Variants in ATM observed in about 807,000 individuals in gnomAD.
ATM encodes the protein ATM serine/threonine kinase.
In ATM, 308 loss-of-function variants were observed where a neutral mutation model predicts 387.0. The ratio of observed to expected loss-of-function variants is 0.80; its 90% CI spans 0.73 to 0.87. The LOEUF is 0.87. ATM is among the 40% of genes least tolerant of loss of function. The pLI is 0.00. For missense variants in ATM, 3,312 were observed against 3,560.9 expected (o/e 0.93, Z 1.78); for synonymous variants, 1,156 against 1,187.3 (o/e 0.97, Z 0.54).
In ATM at chr11:108,227,707, A is replaced by G; in HGVS notation, c.72+11A>G. 2 of 1,609,788 alleles carry G rather than the reference A, an allele frequency of 1.2e-6. No homozygotes were observed. The highest frequency in any genetic ancestry group is 1.1e-5 in the South Asian group (1 of 90,698). On this transcript the variant is annotated intron_variant, in intron 2 of 62. Transcript: ENST00000675843. ...GCTACAGAACGAAAGGTAGTAAATT[A>G]CTTAAATTCAATTTTTCCTTGAAAT...
At chr11:108,300,308 G>T (rs1035281326) in intron 34 of ATM, among the ~76,000 whole-genome samples, 2 of 152,162 alleles carry the variant, frequency 1.3e-5, no homozygotes, top group Non-Finnish European at 2.9e-5. Flanking sequence ...TATAATCCTA[G>T]AAGTCTTAAG....
intron 22 of ATM, among the ~76,000 whole-genome samples, chr11:108,275,384 G>A (rs1405276543): frequency 1.3e-5 from 2 of 152,170 alleles, no homozygotes; most frequent in Non-Finnish European, 2.9e-5. Flanking sequence ...ATTGTTATGT[G>A]TGAATTTGAT....
chr11:108,226,814 C>G (rs1016496767), intron 1 of ATM: 1 of 152,158 alleles, frequency 6.6e-6, no homozygotes, highest in African/African-American at 2.4e-5. Context: ...TCAAGCGATT[C>G]TCCTACCTCA....
intron 35 of ATM, 126 bp from the exon 36 acceptor site, chr11:108,302,727 G>A: frequency 1.1e-6 from 1 of 901,766 alleles, no homozygotes; most frequent in Non-Finnish European, 1.7e-6. Context: ...GGTAAACATT[G>A]CCTCCAGATT....
chr11:108,235,761 T>C lies in ATM; in HGVS notation c.423T>C (p.Cys141=). 6.2e-7 allele frequency: 1 copy of C among 1,613,642 alleles called. No homozygotes were observed. Among genetic ancestry groups the C allele is most frequent in the Non-Finnish European group, 8.5e-7 (1 of 1,179,664 alleles). ...SSNGAIYGAD[C]SNILLKDILS... is the part of the protein sequence containing the mutation. ...ATGGTGCTATTTACGGAGCTGATTGTAGCAACATACTACTCAAAGACATTC... is the reference window on the plus strand; with the variant it reads ...ATGGTGCTATTTACGGAGCTGATTGCAGCAACATACTACTCAAAGACATTC... Residue 141 remains cysteine (C), a synonymous_variant, in exon 5 of 63, where the codon TGT becomes TGC. Transcript: ENST00000675843.
chr11:108,249,936 A>G (rs2080043400), intron 9 of ATM, among the ~76,000 whole-genome samples: 1 of 152,150 alleles, frequency 6.6e-6, no homozygotes, highest in Admixed American at 6.5e-5. Flanking sequence ...GCTAAGCGTT[A>G]GATATACAGA....
chr11:108,364,426 A>G (rs2091121247), intron 61 of ATM, among the ~76,000 whole-genome samples: 1 of 152,164 alleles, frequency 6.6e-6, no homozygotes. Context: ...ACCTAAAGCT[A>G]CTTGCTCTAG....
chr11:108,335,996 CAT>C lies in ATM; in HGVS notation c.8268+39_8268+40del, dbSNP rs45566832. ...TGTACTTCTGTTAGTTCACCAAAAA[CAT>C]ATAAAAGATGCCATTTGGTTGGGTG... On this transcript the variant is annotated intron_variant, in intron 56 of 62. Coordinates refer to ENST00000675843, the MANE Select transcript of ATM (RefSeq NM_000051.4). The C allele has an allele frequency of 2.7e-6, 4 of 1,507,628 alleles. No individual in the cohort carries two copies. The highest frequency in any genetic ancestry group is 2.3e-5 in the South Asian group (2 of 88,800). 93.4% of individuals were successfully genotyped at this position (1,507,628 alleles called of 1,614,324 possible).
rs2091299303 is a variant in ATM at position 108,365,987 on chromosome 11, C to G, written c.*479C>G. 1 of 171,014 alleles carries G rather than the reference C, an allele frequency of 5.8e-6. No homozygotes were observed. The highest frequency in any genetic ancestry group is 1.2e-5 in the Non-Finnish European group (1 of 80,274). 10.6% of individuals were successfully genotyped at this position (171,014 alleles called of 1,614,324 possible). A position where few individuals can be genotyped will look rare whatever the true frequency, so the allele number is the denominator to read the frequency against. ...AAGGTTGCTGTGGGCCAAAATCATGCCATTGCACTCCAGCCTGGGTGACAA... is the reference window on the plus strand; with the variant it reads ...AAGGTTGCTGTGGGCCAAAATCATGGCATTGCACTCCAGCCTGGGTGACAA... On this transcript the variant is annotated 3_prime_UTR_variant, in exon 63 of 63. Coordinates refer to ENST00000675843, the MANE Select transcript of ATM (RefSeq NM_000051.4).
intron 59 of ATM, among the ~76,000 whole-genome samples, chr11:108,349,964 A>G (rs1274413798): frequency 1.3e-5 from 2 of 152,184 alleles, no homozygotes; most frequent in African/African-American, 2.4e-5. Flanking sequence ...AGGAAGGAGT[A>G]TGAGGGAATT....
chr11:108,251,154 A>G lies in ATM; in HGVS notation c.1607+82A>G, dbSNP rs1271744357. 5.7e-6 allele frequency: 9 copies of G among 1,579,970 alleles called. No homozygotes were observed. The South Asian group carries it at 6.8e-5, about 12-fold the overall frequency. ...CACTCACATATCCCTGATCATTTTC[A>G]TAGTTTGTTACTTCAGTTAAAGATG... On this transcript the variant is annotated intron_variant, in intron 10 of 62. Coordinates refer to ENST00000675843, the MANE Select transcript of ATM (RefSeq NM_000051.4).
At chr11:108,258,912 G>C (rs2080685267) in intron 15 of ATM, 74 bp from the exon 16 acceptor site, 7 of 1,230,568 alleles carry the variant, frequency 5.7e-6, no homozygotes, top group Non-Finnish European at 7.1e-6. Flanking sequence ...ATTCAAGATA[G>C]AGAAAACACT....
At position 108,289,726 on chromosome 11, in the gene ATM, A is replaced by G. The variant is rs1451928082; in HGVS notation, c.4361A>G (p.Lys1454Arg). ...LFVSLLLKDI[K>R]SGLGGAWAFV... ...GTTAGTTTATTACTGAAAGATATAAAAAGTGGCTTAGGAGGAGCTTGGGCC... is the reference window on the plus strand; with the variant it reads ...GTTAGTTTATTACTGAAAGATATAAGAAGTGGCTTAGGAGGAGCTTGGGCC... The change falls in exon 29 of 63, where the codon AAA becomes AGA. Residue 1454 changes from lysine (K) to arginine (R), a missense_variant. Transcript: ENST00000675843. The G allele has an allele frequency of 3.1e-6, 5 of 1,613,820 alleles. No individual in the cohort carries two copies. The highest frequency in any genetic ancestry group is 1.1e-5 in the South Asian group (1 of 91,064).
In ATM at chr11:108,271,386, T is replaced by C; in HGVS notation, c.3057T>C (p.Leu1019=). 1 of 1,614,106 alleles carries C rather than the reference T, an allele frequency of 6.2e-7. No individual in the cohort carries two copies. ...CAAGGGATGCTCAAGGACAGTTTCT[T>C]ACAGTAATTGGAGCATTTTGGTAGG... is the stretch of plus-strand genomic sequence containing the variant. ...ENTRDAQGQF[L]TVIGAFWHLT... The change falls in exon 20 of 63, where the codon CTT becomes CTC. Residue 1019 remains leucine (L), a synonymous_variant. Coordinates refer to ENST00000675843, the MANE Select transcript of ATM (RefSeq NM_000051.4).
chr11:108,355,331 G>T (rs1591316792), intron 61 of ATM: 1 of 196,286 alleles, frequency 5.1e-6, no homozygotes, highest in East Asian at 1.3e-4. Context: ...CTAGTTTACT[G>T]CTGGTGCTAC....
chr11:108,294,090 A>C (rs2082989198), intron 31 of ATM, among the ~76,000 whole-genome samples: 2 of 151,774 alleles, frequency 1.3e-5, no homozygotes, highest in Admixed American at 1.3e-4. Flanking sequence ...GATGTAAAAT[A>C]GTTTTGATTT....
Position 108,304,802 on chromosome 11 carries a change from G to A in ATM, c.5624G>A (p.Arg1875Gln), listed in dbSNP as rs762304746. ...CAGGGATTTTTCACCAGCTGTCTTCGACACTTCTCGCAAACGAGCCGATCC... is the reference window on the plus strand; with the variant it reads ...CAGGGATTTTTCACCAGCTGTCTTCAACACTTCTCGCAAACGAGCCGATCC... ...HVQGFFTSCL[R>Q]HFSQTSRSTT... The change falls in exon 37 of 63, where the codon CGA (arginine) becomes CAA (glutamine). Residue 1875 changes from arginine (R) to glutamine (Q), a missense_variant. Physicochemically the swap from Arg to Gln is conservative, Grantham distance 43. Around this residue, in one of 4 missense-constraint regions of ATM, gnomAD observed 1,405 missense variants for 1,604.4 expected, o/e 0.88. Coordinates refer to ENST00000675843, the MANE Select transcript of ATM (RefSeq NM_000051.4). 6 of 1,613,330 alleles carry A rather than the reference G, an allele frequency of 3.7e-6. No individual in the cohort carries two copies. Among genetic ancestry groups the A allele is most frequent in the East Asian group, 4.5e-5 (2 of 44,848 alleles).
intron 18 of ATM, among the ~76,000 whole-genome samples, chr11:108,269,782 C>A (rs1245686148): frequency 2.0e-5 from 3 of 152,146 alleles, no homozygotes; most frequent in Non-Finnish European, 4.4e-5. Context: ...TGGTGGAATC[C>A]CTGGTCATGT....
chr11:108,250,622 GTA>G, intron 9 of ATM, 77 bp from the exon 10 acceptor site: 1 of 1,410,646 alleles, frequency 7.1e-7, no homozygotes, highest in Non-Finnish European at 9.8e-7. Context: ...TATTGTAAGA[GTA>G]CCATGTCTAT....
Sources: gnomAD v4.1 joint callset for allele counts (sites outside exome capture counted in the v4.1 genomes callset) on GRCh38, gnomAD v4.1.1 for gene constraint, gnomAD v4.1.1 regional missense constraint, MANE v1.5 for transcripts, NCBI Gene and HGNC (gene_info 2026-07-23, HGNC 2026-07-21) for gene names.